The following CFAP74 variants were observed in gnomAD, a reference collection of about 807,000 sequenced individuals.
The protein encoded by CFAP74 is cilia- and flagella-associated protein 74.
Under a neutral mutation model 188.9 loss-of-function variants are expected in CFAP74, and 124 were observed. The ratio of observed to expected loss-of-function variants is 0.66; its 90% confidence interval spans 0.57 to 0.76. CFAP74 has a LOEUF of 0.76. Ranked by LOEUF, CFAP74 falls within the 30% of genes least tolerant of loss-of-function variation. The pLI is 0.00. For missense variants in CFAP74, 2,198 were observed against 2,165.2 expected, an observed-to-expected ratio of 1.02 and a Z score of -0.30; for synonymous variants, 956 against 916.7, an observed-to-expected ratio of 1.04 and a Z score of -0.77.
Position 1,939,782 on chromosome 1 carries a change from G to A in CFAP74, c.2704-15C>T. ...ACTGGCTTGTTCTGAGACATAAAGG[G>A]CACAGGCGCCCTCGCAGCCACTCGG... On this transcript the variant is annotated splice_polypyrimidine_tract_variant and intron_variant, in intron 23 of 38. Coordinates refer to ENST00000682832, the MANE Select transcript of CFAP74 (RefSeq NM_001304360.2). The A allele has an allele frequency of 1.3e-6, 2 of 1,527,984 alleles. No individual in the cohort carries two copies. Among genetic ancestry groups the A allele is most frequent in the Middle Eastern group, 3.4e-4 (2 of 5,960 alleles). The allele number at this position is 1,527,984 out of a possible 1,614,324, so 94.7% of individuals were successfully genotyped here.
rs762070187 is a variant in CFAP74, at chr1:1,972,078, G to A, written c.790C>T (p.Arg264Ter). The A allele has an allele frequency of 1.4e-5, 23 of 1,610,388 alleles. No individual in the cohort carries two copies. The highest frequency in any genetic ancestry group is 1.6e-4 in the Middle Eastern group (1 of 6,080). The part of the protein sequence containing the change: ...RFLKASLGRI[R>*]EQEKKEEMEC... Reference sequence around the variant, plus strand: ...ATCTCCTCCTTCTTCTCTTGCTCTCGGATTCTGAGGAAGGACATTTAAACA... The same window carrying A: ...ATCTCCTCCTTCTTCTCTTGCTCTCAGATTCTGAGGAAGGACATTTAAACA... The change falls in exon 9 of 39, where the codon CGA becomes TGA. Residue 264 changes from arginine to a stop codon, truncating the protein, a stop_gained. Transcript: ENST00000682832. LOFTEE classifies it high-confidence loss of function.
At chr1:1,969,875 G>A (rs1391590561) in intron 10 of CFAP74, among the ~76,000 whole-genome samples, 3 of 152,262 alleles carry the variant, frequency 2.0e-5, no homozygotes, top group Non-Finnish European at 4.4e-5. Context: ...GGCCAGGGCC[G>A]TGGACAGGGA....
At chr1:1,991,873 A>G (rs1191053726) in intron 1 of CFAP74, among the ~76,000 whole-genome samples, 1 of 151,504 alleles carries the variant, frequency 6.6e-6, no homozygotes, top group Admixed American at 6.6e-5. Flanking sequence ...CCCCATCTCT[A>G]CTAAAAAACA....
In CFAP74 at chr1:1,923,426, A is replaced by AG; in HGVS notation, c.4462dup (p.Leu1488ProfsTer15). On this transcript the variant is annotated frameshift_variant, in exon 36 of 39. Transcript: ENST00000682832. LOFTEE classifies it high-confidence loss of function. The surrounding 1 kb of genome is among the most constrained non-coding windows in gnomAD (Gnocchi z 6.3). ...TGTCAGAGACTCCACGGGCACGTCC[A>AG]GGGGGTCGCCGCCCTCCACGAACAT... 1 of 1,603,598 alleles carries AG rather than the reference A, an allele frequency of 6.2e-7. No individual in the cohort carries two copies. The highest frequency in any genetic ancestry group is 8.5e-7 in the Non-Finnish European group (1 of 1,176,404).
intron 1 of CFAP74, among the ~76,000 whole-genome samples, chr1:1,993,871 A>C (rs1204792006): frequency 1.3e-5 from 2 of 150,974 alleles, no homozygotes; most frequent in African/African-American, 4.9e-5. Context: ...AGTCCCAGCT[A>C]CTCGGGAGGC....
At chr1:1,937,913 T>TACACATATGC (rs1445361435) in intron 25 of CFAP74, among the ~76,000 whole-genome samples, 1 of 148,168 alleles carries the variant, frequency 6.7e-6, no homozygotes, top group Non-Finnish European at 1.5e-5. Context: ...CATGCGTGTA[T>TACACATATGC]ACACACATGC....
chr1:1,995,037 G>C (rs1271836092), intron 1 of CFAP74, among the ~76,000 whole-genome samples: 1 of 152,162 alleles, frequency 6.6e-6, no homozygotes, highest in African/African-American at 2.4e-5. Context: ...GGCAGCTTCA[G>C]GTGGTCCTCC....
intron 10 of CFAP74, among the ~76,000 whole-genome samples, chr1:1,969,235 ACCCAGCCCTG>A (rs1229205626): frequency 1.2e-4 from 4 of 33,378 alleles, no homozygotes; most frequent in East Asian, 8.1e-4. Flanking sequence ...GCCCTGCCCA[ACCCAGCCCTG>A]CCCAGCCCTG....
chr1:1,951,931 A>G (rs1424548818), intron 18 of CFAP74, among the ~76,000 whole-genome samples: 1 of 152,186 alleles, frequency 6.6e-6, no homozygotes, highest in Non-Finnish European at 1.5e-5. Flanking sequence ...TTCAGGCTGA[A>G]AGAGCATCGG....
Position 1,961,632 on chromosome 1 carries a change from G to A in CFAP74, c.1695-1602C>T, listed in dbSNP as rs77586065. Among the ~76,000 whole-genome samples, 404 of 152,152 alleles carry A rather than the reference G, an allele frequency of 2.7e-3. 11 individuals are homozygous for A. In the East Asian group the frequency reaches 0.061, roughly 23 times the overall value. On this transcript the variant is annotated intron_variant, in intron 14 of 38. Transcript: ENST00000682832. ...ACATGGATCAATGAGAGAAACAGGCGGGCTGCAGAAATCCCATGCCTTCAG... is the reference window on the plus strand; with the variant it reads ...ACATGGATCAATGAGAGAAACAGGCAGGCTGCAGAAATCCCATGCCTTCAG...
At chr1:1,974,520 GGCCTTC>G (rs1656314834) in intron 6 of CFAP74, among the ~76,000 whole-genome samples, 1 of 152,230 alleles carries the variant, frequency 6.6e-6, no homozygotes, top group Non-Finnish European at 1.5e-5. Context: ...GCCTGAGGAA[GGCCTTC>G]AGGAAGGGAC....
intron 14 of CFAP74, among the ~76,000 whole-genome samples, chr1:1,960,816 G>A (rs903880258): frequency 5.3e-5 from 8 of 152,232 alleles, no homozygotes; most frequent in South Asian, 2.1e-4. Flanking sequence ...AGCAGAATCC[G>A]AGAGGGTGGA....
chr1:1,981,984 G>A lies in CFAP74; in HGVS notation c.500+3402C>T, dbSNP rs116304368. Among the ~76,000 whole-genome samples, 43 of 66,342 alleles carry A rather than the reference G, an allele frequency of 6.5e-4. 3 individuals carry two copies. The highest frequency in any genetic ancestry group is 7.9e-3 in the Middle Eastern group (1 of 126). 43.5% of individuals were successfully genotyped at this position (66,342 alleles called of 152,430 possible). ...AGCCGCGGACAGACACGGGGGGCAC[G>A]CAGGACACCCAGCCGTGGACAGACA... On this transcript the variant is annotated intron_variant, in intron 6 of 38. Transcript: ENST00000682832.
At chr1:1,939,486 G>A in intron 24 of CFAP74, 108 bp downstream of exon 24, 2 of 1,111,554 alleles carry the variant, frequency 1.8e-6, no homozygotes, top group Non-Finnish European at 2.5e-6. Context: ...GGCGGAAGTT[G>A]GGCCACATGC....
At chr1:1,933,045 C>T (rs965421697) in intron 25 of CFAP74, among the ~76,000 whole-genome samples, 4 of 150,052 alleles carry the variant, frequency 2.7e-5, no homozygotes, top group African/African-American at 9.9e-5. Context: ...GCCACCATGC[C>T]CGGCTAATTT....
rs1277801959 is a variant in CFAP74 at position 1,924,459 on chromosome 1, G to C, written c.4166C>G (p.Thr1389Ser). The C allele has an allele frequency of 6.3e-7, 1 of 1,593,832 alleles. No individual in the cohort carries two copies. Among genetic ancestry groups the C allele is most frequent in the Non-Finnish European group, 8.5e-7 (1 of 1,173,298 alleles). ...CAGCTGCTGCTGGCCCCGGCCCCGG[G>C]TGCTGGAGAGGCTGTCCAGGTGCAT... is the stretch of plus-strand genomic sequence containing the variant. ...FSMHLDSLSS[T>S]RGRGQQQLPQ... The change falls in exon 34 of 39, where the codon ACC becomes AGC. Residue 1389 changes from threonine (T) to serine (S), a missense_variant. Coordinates refer to ENST00000682832, the MANE Select transcript of CFAP74 (RefSeq NM_001304360.2).
At chr1:1,954,895 G>A (rs1356478428) in intron 18 of CFAP74, 4 of 1,155,946 alleles carry the variant, frequency 3.5e-6, no homozygotes, top group African/African-American at 3.9e-5. Flanking sequence ...AGGCCAAGGG[G>A]CAGTGCAGAA....
rs1351244889 is a variant in CFAP74 at position 1,934,941 on chromosome 1, A to AATGAAAGTGTGACCC, written c.3011+3913_3011+3914insGGGTCACACTTTCAT. Among the ~76,000 whole-genome samples, 108 of 76,396 alleles carry AATGAAAGTGTGACCC rather than the reference A, an allele frequency of 1.4e-3. 2 individuals carry two copies. Among genetic ancestry groups the AATGAAAGTGTGACCC allele is most frequent in the Non-Finnish European group, 1.6e-3 (61 of 38,296 alleles). The allele number at this position is 76,396 out of a possible 152,430, so 50.1% of individuals were successfully genotyped here. A position where few individuals can be genotyped will look rare whatever the true frequency, so the allele number is the denominator to read the frequency against. ...TTAGGTTGTAGGTACACAGGTGTGT[A>AATGAAAGTGTGACCC]CGTGGGTGTTAGGTTGTAGGTACAC... On this transcript the variant is annotated intron_variant, in intron 25 of 38. Coordinates refer to ENST00000682832, the MANE Select transcript of CFAP74 (RefSeq NM_001304360.2).
chr1:1,955,440 C>T, intron 18 of CFAP74: 1 of 1,524,624 alleles, frequency 6.6e-7, no homozygotes, highest in Non-Finnish European at 8.9e-7. Flanking sequence ...CGTGCTGGGC[C>T]TGCTGGGCCA....
Sources: allele counts gnomAD v4.1 joint callset (sites outside exome capture counted in the v4.1 genomes callset), GRCh38; gene constraint gnomAD v4.1.1; non-coding constraint Gnocchi (gnomAD v3.1); transcripts MANE v1.5; gene names NCBI Gene and HGNC (gene_info 2026-07-23, HGNC 2026-07-21).